The following TUT4 variants were observed in gnomAD, a reference collection of about 807,000 sequenced individuals.
The protein encoded by TUT4 is terminal uridylyltransferase 4.
TUT4 carries 36 observed loss-of-function variants against 192.2 expected under a neutral mutation model. The observed-to-expected ratio is 0.19, with a 90% confidence interval of 0.14 to 0.25. The LOEUF (loss-of-function observed/expected upper bound fraction) is 0.25, where lower values mean the gene tolerates loss of function less well. Among genes scored for constraint, TUT4 ranks in the 10% least tolerant of loss-of-function variants. The pLI is 1.00. For synonymous variants in TUT4, 618 were observed against 666.0 expected, an observed-to-expected ratio of 0.93 and a Z score of 1.11; for missense variants, 1,493 against 1,957.2, an observed-to-expected ratio of 0.76 and a Z score of 4.47.
chr1:52,433,690 G>C (rs1005738371), intron 27 of TUT4: 3 of 152,204 alleles, frequency 2.0e-5, no homozygotes, highest in African/African-American at 7.2e-5. Flanking sequence ...TGCTGACAGA[G>C]AGCCTGAGGG....
chr1:52,512,179 T>A (rs1384160977), intron 3 of TUT4, among the ~76,000 whole-genome samples: 2 of 152,218 alleles, frequency 1.3e-5, no homozygotes, highest in South Asian at 4.1e-4. Flanking sequence ...ACATCTCAAC[T>A]GACCTTGGAT....
chr1:52,513,233 C>T (rs1677739455), intron 3 of TUT4, among the ~76,000 whole-genome samples: 1 of 150,570 alleles, frequency 6.6e-6, no homozygotes, highest in South Asian at 2.1e-4. Flanking sequence ...AAAACACCAT[C>T]TCTAAAAAAA....
intron 16 of TUT4, chr1:52,462,834 A>G (rs1353214393): frequency 2.0e-6 from 2 of 985,230 alleles, no homozygotes; most frequent in Non-Finnish European, 2.4e-6. Context: ...AATGATAATC[A>G]TAATACATAA....
At chr1:52,541,667 T>C (rs369668787) in intron 1 of TUT4, among the ~76,000 whole-genome samples, 1 of 151,724 alleles carries the variant, frequency 6.6e-6, no homozygotes. Flanking sequence ...TTCATAATCT[T>C]GGATCAACAA....
intron 3 of TUT4, among the ~76,000 whole-genome samples, chr1:52,514,168 C>T (rs1413848293): frequency 2.0e-5 from 3 of 152,144 alleles, no homozygotes; most frequent in Non-Finnish European, 4.4e-5. Flanking sequence ...AGGCCGGGCA[C>T]GGTGGCTCCT....
chr1:52,504,957 A>G (rs1207619042), intron 4 of TUT4, among the ~76,000 whole-genome samples: 3 of 152,168 alleles, frequency 2.0e-5, no homozygotes, highest in Non-Finnish European at 4.4e-5. Flanking sequence ...AATACTGTAC[A>G]TTTTGCTTAT....
At chr1:52,506,258 G>C (rs1233357098) in intron 4 of TUT4, among the ~76,000 whole-genome samples, 2 of 152,152 alleles carry the variant, frequency 1.3e-5, no homozygotes, top group Non-Finnish European at 2.9e-5. Context: ...CTATGTTCAT[G>C]AGGAGTTTTG....
chr1:52,462,626 T>A (rs1293549816), intron 16 of TUT4: 1 of 646,928 alleles, frequency 1.5e-6, no homozygotes, highest in African/African-American at 2.0e-5. Flanking sequence ...ACATGAGACA[T>A]GTATGTAAAG....
chr1:52,470,983 C>T (rs956304740), intron 14 of TUT4, among the ~76,000 whole-genome samples: 6 of 151,560 alleles, frequency 4.0e-5, no homozygotes, highest in Admixed American at 3.9e-4. Context: ...GCAATTATTC[C>T]CCCAAACAAA....
intron 24 of TUT4, among the ~76,000 whole-genome samples, chr1:52,441,501 A>C (rs1202648333): frequency 7.3e-6 from 1 of 137,488 alleles, no homozygotes; most frequent in Admixed American, 7.8e-5. Flanking sequence ...CACCACGTTG[A>C]CCAGGCTGGT....
chr1:52,436,035 C>T (rs1055971863), intron 26 of TUT4, among the ~76,000 whole-genome samples: 1 of 152,096 alleles, frequency 6.6e-6, no homozygotes, highest in African/African-American at 2.4e-5. Context: ...ACTTGGGTTA[C>T]TATTTAACTC....
chr1:52,449,097 ACACT>A (rs779160723), intron 20 of TUT4, among the ~76,000 whole-genome samples: 15 of 152,018 alleles, frequency 9.9e-5, no homozygotes, highest in Non-Finnish European at 1.9e-4. Flanking sequence ...ACACACACAC[ACACT>A]CTCTCTCCCT....
intron 13 of TUT4, among the ~76,000 whole-genome samples, chr1:52,472,506 C>A (rs1036857504): frequency 1.3e-5 from 2 of 151,516 alleles, no homozygotes; most frequent in Non-Finnish European, 2.9e-5. Flanking sequence ...TTTCTATTTT[C>A]TGAATCAATC....
Position 52,445,964 on chromosome 1 carries a change from G to A in TUT4, c.3732C>T (p.Ser1244=), listed in dbSNP as rs751669412. Residue 1244 remains serine (S), a synonymous_variant, in exon 23 of 30, where the codon TCC becomes TCT. Coordinates refer to ENST00000257177, the MANE Select transcript of TUT4 (RefSeq NM_001009881.3). ...DLNHNLGAGV[S]RKMTNFIMKA... ...TCTATATTTAAAACTTACTTTTTCT[G>A]GAAACTCCAGCACCAAGGTTATGAT... The A allele has an allele frequency of 2.5e-6, 4 of 1,606,224 alleles. No homozygotes were observed. The highest frequency in any genetic ancestry group is 2.5e-6 in the Non-Finnish European group (3 of 1,177,864).
chr1:52,497,562 A>G (rs552974336), intron 4 of TUT4, among the ~76,000 whole-genome samples: 1 of 152,238 alleles, frequency 6.6e-6, no homozygotes, highest in South Asian at 2.1e-4. Flanking sequence ...TAATCAGCAT[A>G]TACAGTATCA....
At chr1:52,532,202 T>C (rs1404220608) in intron 1 of TUT4, among the ~76,000 whole-genome samples, 1 of 152,150 alleles carries the variant, frequency 6.6e-6, no homozygotes, top group Non-Finnish European at 1.5e-5. Flanking sequence ...ATTTACATGG[T>C]TGAAAAACAG....
intron 3 of TUT4, chr1:52,515,599 T>G: frequency 2.0e-6 from 1 of 489,630 alleles, no homozygotes. Flanking sequence ...CCAAAAACGG[T>G]GGGGAGACTA....
chr1:52,457,282 C>A (rs1661251833), intron 20 of TUT4, among the ~76,000 whole-genome samples: 1 of 151,316 alleles, frequency 6.6e-6, no homozygotes, highest in African/African-American at 2.4e-5. Flanking sequence ...TGTCACCAGG[C>A]TGGAGTGCAG....
chr1:52,439,067 C>T (rs951121616), intron 24 of TUT4, among the ~76,000 whole-genome samples: 10 of 102,308 alleles, frequency 9.8e-5, no homozygotes, highest in African/African-American at 3.2e-4. Flanking sequence ...AAGACTCCAT[C>T]TAAAAAAAAA....
Sources: gnomAD v4.1 joint callset for allele counts (sites outside exome capture counted in the v4.1 genomes callset) on GRCh38, gnomAD v4.1.1 for gene constraint, MANE v1.5 for transcripts, NCBI Gene and HGNC (gene_info 2026-07-23, HGNC 2026-07-21) for gene names.